The following MAGT1 variants were observed in gnomAD, a reference collection of about 807,000 sequenced individuals.
MAGT1 encodes magnesium transporter 1.
In MAGT1, 4 loss-of-function variants were observed where a neutral mutation model predicts 28.4. That is an observed-to-expected ratio of 0.14 (90% confidence interval 0.07 to 0.32). The LOEUF is 0.32. Ranked by LOEUF, MAGT1 falls within the 10% of genes least tolerant of loss-of-function variation. MAGT1 has a pLI of 1.00. For missense variants in MAGT1, 193 were observed against 264.5 expected (o/e 0.73, Z 1.88); for synonymous variants, 89 against 89.7 (o/e 0.99, Z 0.04).
chrX:77,838,945 C>G (rs1440879841), intron 8 of MAGT1, among the ~76,000 whole-genome samples: 1 of 110,018 alleles, frequency 9.1e-6, no homozygotes, highest in Non-Finnish European at 1.9e-5. Flanking sequence ...TCCACCTTAT[C>G]TGATTGGCAA....
chrX:77,831,321 A>C (rs1030062511), intron 8 of MAGT1, among the ~76,000 whole-genome samples: 149 of 110,916 alleles, frequency 1.3e-3, no homozygotes, highest in Non-Finnish European at 2.4e-3. Context: ...CCGGCCTGGC[A>C]GTCTATACTT....
chrX:77,864,242 T>C (rs1407328941), intron 3 of MAGT1, among the ~76,000 whole-genome samples: 1 of 82,068 alleles, frequency 1.2e-5, no homozygotes, highest in African/African-American at 4.9e-5. Flanking sequence ...CTGGGAAGAG[T>C]GTATGTGTGT....
chrX:77,873,267 G>A (rs1443421605), intron 2 of MAGT1, among the ~76,000 whole-genome samples: 2 of 111,831 alleles, frequency 1.8e-5, no homozygotes, highest in Admixed American at 1.9e-4. Flanking sequence ...GGAGAAAATC[G>A]TTAAAGAAAA....
At chrX:77,893,333 A>G (rs1044209734) in intron 1 of MAGT1, among the ~76,000 whole-genome samples, 2 of 111,887 alleles carry the variant, frequency 1.8e-5, no homozygotes. Flanking sequence ...ATATTCTCGC[A>G]TAAGTCTTGT....
intron 1 of MAGT1, among the ~76,000 whole-genome samples, chrX:77,891,315 C>CATCTATCTATCT (rs79053193): frequency 0.36 from 32,567 of 90,236 alleles, 5,082 homozygotes; most frequent in East Asian, 0.43. Context: ...TCAGTTCCCT[C>CATCTATCTATCT]ATCTATCTAT....
chrX:77,880,819 G>A (rs892917800), intron 1 of MAGT1, among the ~76,000 whole-genome samples: 1 of 108,631 alleles, frequency 9.2e-6, no homozygotes, highest in Admixed American at 1.0e-4. Context: ...TTAGCTGGGC[G>A]TGGTGGCACA....
chrX:77,888,105 C>T (rs782820199), intron 1 of MAGT1, among the ~76,000 whole-genome samples: 5 of 111,788 alleles, frequency 4.5e-5, no homozygotes, highest in Admixed American at 1.9e-4. Context: ...CGACTGTGCC[C>T]GGCCTCCACT....
chrX:77,835,573 A>G (rs1312536020), intron 8 of MAGT1, among the ~76,000 whole-genome samples: 1 of 111,688 alleles, frequency 9.0e-6, no homozygotes, highest in Non-Finnish European at 1.9e-5. Flanking sequence ...ATGATCCAGC[A>G]ATCCCACTGC....
At chrX:77,879,158 G>A (rs1009626615) in intron 1 of MAGT1, among the ~76,000 whole-genome samples, 6 of 106,075 alleles carry the variant, frequency 5.7e-5, no homozygotes, top group Non-Finnish European at 1.2e-4. Flanking sequence ...CTGGGTTCAT[G>A]CAATTCTCCT....
At chrX:77,855,866 G>T (rs1208096384) in intron 5 of MAGT1, among the ~76,000 whole-genome samples, 1 of 109,173 alleles carries the variant, frequency 9.2e-6, no homozygotes, top group Non-Finnish European at 1.9e-5. Flanking sequence ...CGCCTCCCAG[G>T]TTTAAGCAAT....
At chrX:77,834,978 C>A (rs1348402080) in intron 8 of MAGT1, among the ~76,000 whole-genome samples, 3 of 99,777 alleles carry the variant, frequency 3.0e-5, no homozygotes, top group Non-Finnish European at 6.0e-5. Context: ...TTTTTTGAGA[C>A]GGAGTCTTGC....
At chrX:77,847,528 G>A (rs147508677) in intron 7 of MAGT1, among the ~76,000 whole-genome samples, 6,994 of 111,425 alleles carry the variant, frequency 0.063, 226 homozygotes, top group African/African-American at 0.12. Flanking sequence ...TGTTGCTCAC[G>A]CTGGGAGCTG....
intron 1 of MAGT1, among the ~76,000 whole-genome samples, chrX:77,878,058 G>T (rs1465266444): frequency 9.5e-6 from 1 of 104,946 alleles, no homozygotes. Context: ...GAGGCGGGTG[G>T]ATCGCTTGAG....
chrX:77,875,853 A>G (rs2077031985), intron 1 of MAGT1, among the ~76,000 whole-genome samples: 1 of 110,231 alleles, frequency 9.1e-6, no homozygotes, highest in African/African-American at 3.3e-5. Context: ...CGAATGAATG[A>G]CACTGTCTCG....
At chrX:77,851,218 CT>C (rs1325694083) in intron 7 of MAGT1, among the ~76,000 whole-genome samples, 3 of 106,274 alleles carry the variant, frequency 2.8e-5, no homozygotes, top group African/African-American at 6.9e-5. Flanking sequence ...CATTGTCTTT[CT>C]TTTTTTTTCT....
At chrX:77,887,051 T>G (rs1470934050) in intron 1 of MAGT1, among the ~76,000 whole-genome samples, 1 of 111,731 alleles carries the variant, frequency 9.0e-6, no homozygotes. Context: ...TTTGTCTTCT[T>G]TAGTTAATAG....
chrX:77,846,450 G>C (rs1427299147), intron 7 of MAGT1, among the ~76,000 whole-genome samples: 1 of 112,247 alleles, frequency 8.9e-6, no homozygotes, highest in Non-Finnish European at 1.9e-5. Context: ...GTCATTCTCT[G>C]TCCAGGTTTG....
At chrX:77,894,184 AAAG>A (rs2149031122) in intron 1 of MAGT1, among the ~76,000 whole-genome samples, 1 of 112,198 alleles carries the variant, frequency 8.9e-6, no homozygotes, top group East Asian at 2.8e-4. Flanking sequence ...GGATCCTCCC[AAAG>A]AAGGACATCA....
At chrX:77,892,068 T>C (rs2077084202) in intron 1 of MAGT1, among the ~76,000 whole-genome samples, 1 of 110,785 alleles carries the variant, frequency 9.0e-6, no homozygotes, top group Non-Finnish European at 1.9e-5. Flanking sequence ...ATTTTTTTTG[T>C]ATTTTTAGTA....
Sources: gnomAD v4.1 joint callset for allele counts (sites outside exome capture counted in the v4.1 genomes callset) on GRCh38, gnomAD v4.1.1 for gene constraint, MANE v1.5 for transcripts, NCBI Gene and HGNC (gene_info 2026-07-23, HGNC 2026-07-21) for gene names.